ITFG1: variants seen among roughly 807,000 people sequenced by gnomAD.
ITFG1 encodes the protein T-cell immunomodulatory protein.
ITFG1 carries 34 observed loss-of-function variants against 81.8 expected under a neutral mutation model. The ratio of observed to expected loss-of-function variants is 0.42; its 90% CI spans 0.32 to 0.55. The LOEUF (loss-of-function observed/expected upper bound fraction) is 0.55. ITFG1 is among the 20% of genes least tolerant of loss of function. The probability of loss-of-function intolerance (pLI) is 0.17; values close to 1 mark genes in which losing one functional copy is unlikely to be tolerated. For missense variants in ITFG1, 672 were observed against 755.4 expected (o/e 0.89, Z 1.29); for synonymous variants, 285 against 270.6 (o/e 1.05, Z -0.52).
At chr16:47,299,167 G>A (rs771372982) in intron 10 of ITFG1, among the ~76,000 whole-genome samples, 65 of 152,256 alleles carry the variant, frequency 4.3e-4, no homozygotes, top group Non-Finnish European at 7.8e-4. Context: ...CAGAATATTC[G>A]GTTAGGTTAG....
chr16:47,399,645 C>T (rs1053787663), intron 6 of ITFG1, among the ~76,000 whole-genome samples: 1 of 151,994 alleles, frequency 6.6e-6, no homozygotes, highest in South Asian at 2.1e-4. Flanking sequence ...TTCTCCCTTC[C>T]ATTTCGTGCA....
intron 6 of ITFG1, among the ~76,000 whole-genome samples, chr16:47,414,318 G>A (rs998560296): frequency 2.6e-5 from 4 of 151,234 alleles, no homozygotes; most frequent in Non-Finnish European, 4.4e-5. Flanking sequence ...GAGGTCAGGA[G>A]TTCAAGACCA....
At chr16:47,214,632 T>G (rs1032152927) in intron 14 of ITFG1, among the ~76,000 whole-genome samples, 1 of 152,220 alleles carries the variant, frequency 6.6e-6, no homozygotes, top group African/African-American at 2.4e-5. Flanking sequence ...TTATTTTTAT[T>G]TTTTAAATCT....
In ITFG1 at chr16:47,249,664, T is replaced by G. The variant is rs1051170601; in HGVS notation, c.1330+8968A>C. ...GAGATTTAATTTGTAGTTTAAAACA[T>G]GGACAATGGGATGTGCAATTTGTAA... On this transcript the variant is annotated intron_variant, in intron 12 of 17. Transcript: ENST00000320640. 2.0e-5 allele frequency among the ~76,000 whole-genome samples: 3 copies of G among 152,222 alleles called. No homozygotes were observed. The South Asian group carries it at 6.2e-4, about 31-fold the overall frequency.
At chr16:47,308,727 G>A (rs527380664) in intron 10 of ITFG1, among the ~76,000 whole-genome samples, 4 of 152,252 alleles carry the variant, frequency 2.6e-5, no homozygotes, top group African/African-American at 7.2e-5. Flanking sequence ...ATAGGCTTGG[G>A]ATGTTCTCAT....
chr16:47,257,187 GA>G (rs1309241542), intron 12 of ITFG1, among the ~76,000 whole-genome samples: 1 of 152,134 alleles, frequency 6.6e-6, no homozygotes, highest in Non-Finnish European at 1.5e-5. Context: ...GGATTAGAAA[GA>G]AAATTATCTC....
At chr16:47,376,952 A>ATCTCC (rs1968332770) in intron 6 of ITFG1, among the ~76,000 whole-genome samples, 1 of 117,202 alleles carries the variant, frequency 8.5e-6, no homozygotes, top group Non-Finnish European at 1.6e-5. Flanking sequence ...ACAGAGGGAG[A>ATCTCC]CTCTGTCTCC....
chr16:47,189,187 T>C (rs1965262622), intron 14 of ITFG1, among the ~76,000 whole-genome samples: 1 of 152,226 alleles, frequency 6.6e-6, no homozygotes, highest in South Asian at 2.1e-4. Flanking sequence ...GTGAGTAGTT[T>C]TTATGTTTCT....
At chr16:47,205,944 CA>C (rs1204666002) in intron 14 of ITFG1, among the ~76,000 whole-genome samples, 2 of 152,056 alleles carry the variant, frequency 1.3e-5, no homozygotes, top group African/African-American at 4.8e-5. Flanking sequence ...TGGCTCACTG[CA>C]ACCTCTGCCT....
intron 14 of ITFG1, among the ~76,000 whole-genome samples, chr16:47,205,710 T>A (rs1412106261): frequency 6.6e-6 from 1 of 152,110 alleles, no homozygotes; most frequent in Non-Finnish European, 1.5e-5. Context: ...ACAGACTTCA[T>A]CCTAGGAACA....
intron 14 of ITFG1, among the ~76,000 whole-genome samples, chr16:47,175,861 C>G (rs1197424134): frequency 2.6e-5 from 4 of 152,218 alleles, no homozygotes; most frequent in Non-Finnish European, 5.9e-5. Flanking sequence ...AGGGATTCTT[C>G]TGCCTCAGCC....
intron 6 of ITFG1, among the ~76,000 whole-genome samples, chr16:47,420,296 G>C (rs1163150374): frequency 2.0e-5 from 3 of 152,108 alleles, no homozygotes; most frequent in African/African-American, 7.2e-5. Flanking sequence ...ATTCTGATGA[G>C]AAAAATATGT....
rs1222007051 is a variant in ITFG1 at position 47,376,964 on chromosome 16, C to CAAAAAAAAAAAAAAAAAAAAA, written c.656-1045_656-1025dup. ...GAGACAGAGGGAGACTCTGTCTCCC[C>CAAAAAAAAAAAAAAAAAAAAA]AAAAAAAAAAAAAAAAAAAAAAAAA... is the stretch of plus-strand genomic sequence containing the variant. On this transcript the variant is annotated intron_variant, in intron 6 of 17. Coordinates refer to ENST00000320640, the MANE Select transcript of ITFG1 (RefSeq NM_030790.5). 6.1e-4 allele frequency among the ~76,000 whole-genome samples: 11 copies of CAAAAAAAAAAAAAAAAAAAAA among 18,074 alleles called. 4 individuals carry two copies. The highest frequency in any genetic ancestry group is 1.4e-3 in the African/African-American group (11 of 8,054). The allele number at this position is 18,074 out of a possible 152,430, so 11.9% of individuals were successfully genotyped here. A position where few individuals can be genotyped will look rare whatever the true frequency, so the allele number is the denominator to read the frequency against.
chr16:47,172,872 C>T (rs1964978217), intron 14 of ITFG1, among the ~76,000 whole-genome samples: 1 of 152,174 alleles, frequency 6.6e-6, no homozygotes, highest in South Asian at 2.1e-4. Context: ...TGCAGTTTCA[C>T]TCAGATTACA....
intron 5 of ITFG1, 132 bp downstream of exon 5, chr16:47,451,264 T>C (rs1355000509): frequency 5.4e-6 from 3 of 552,964 alleles, no homozygotes; most frequent in Non-Finnish European, 9.6e-6. Context: ...TTGAGAAAGC[T>C]TATATATATT....
At chr16:47,300,698 G>T (rs1967062158) in intron 10 of ITFG1, among the ~76,000 whole-genome samples, 1 of 152,194 alleles carries the variant, frequency 6.6e-6, no homozygotes, top group Non-Finnish European at 1.5e-5. Context: ...ATAGAAGGCA[G>T]ATGGCTTAAA....
At chr16:47,396,212 T>TA (rs1468994912) in intron 6 of ITFG1, 67 of 978,150 alleles carry the variant, frequency 6.8e-5, no homozygotes, top group Non-Finnish European at 8.0e-5. Flanking sequence ...TCAGAGCAAA[T>TA]ACATTGTTAA....
chr16:47,455,338 T>C (rs1237729419), intron 2 of ITFG1, among the ~76,000 whole-genome samples: 1 of 150,134 alleles, frequency 6.7e-6, no homozygotes, highest in Non-Finnish European at 1.5e-5. Context: ...ACAGAACTAA[T>C]GCAACAAAAG....
chr16:47,400,833 G>A (rs1032728761), intron 6 of ITFG1, among the ~76,000 whole-genome samples: 1 of 152,136 alleles, frequency 6.6e-6, no homozygotes, highest in Admixed American at 6.6e-5. Flanking sequence ...GTTACGGCTA[G>A]AGCACTTGGC....
Sources: gnomAD v4.1 joint callset for allele counts (sites outside exome capture counted in the v4.1 genomes callset) on GRCh38, gnomAD v4.1.1 for gene constraint, MANE v1.5 for transcripts, NCBI Gene and HGNC (gene_info 2026-07-23, HGNC 2026-07-21) for gene names.